Variants in DSTYK observed in about 807,000 individuals in gnomAD.
DSTYK encodes the protein RIP-homologous kinase.
A neutral mutation model predicts 98.7 loss-of-function variants in DSTYK; 34 were observed. The ratio of observed to expected loss-of-function variants is 0.34; its 90% confidence interval spans 0.26 to 0.46. The LOEUF (loss-of-function observed/expected upper bound fraction) is 0.46. DSTYK is among the 20% of genes least tolerant of loss of function. DSTYK has a pLI of 1.00. For synonymous variants in DSTYK, 462 were observed against 457.3 expected, an observed-to-expected ratio of 1.01 and a Z score of -0.13; for missense variants, 962 against 1,181.7, an observed-to-expected ratio of 0.81 and a Z score of 2.73.
chr1:205,168,506 C>T (rs1436079562), intron 3 of DSTYK, among the ~76,000 whole-genome samples: 1 of 152,148 alleles, frequency 6.6e-6, no homozygotes, highest in African/African-American at 2.4e-5. Flanking sequence ...GAAAGCCTCC[C>T]AAGGGATTAG....
chr1:205,154,416 C>G (rs553713023), intron 10 of DSTYK, among the ~76,000 whole-genome samples: 32 of 152,144 alleles, frequency 2.1e-4, no homozygotes, highest in Non-Finnish European at 3.4e-4. Context: ...TTTTTCCCCC[C>G]CTTTTGATCG....
Position 205,189,294 on chromosome 1 carries a change from G to A in DSTYK, c.266-1488C>T, listed in dbSNP as rs897308614. On this transcript the variant is annotated intron_variant, in intron 1 of 12. Transcript: ENST00000367162. ...AATCTGTGTTTGAGAAAAATAATCC[G>A]AAATTAGTTCACTGAAACTCTCAGC... is the stretch of plus-strand genomic sequence containing the variant. Among the ~76,000 whole-genome samples, 9 of 152,150 alleles carry A rather than the reference G, an allele frequency of 5.9e-5. No individual in the cohort carries two copies. In the East Asian group the frequency reaches 9.6e-4, roughly 16 times the overall value.
Position 205,163,709 on chromosome 1 carries a change from C to G in DSTYK, c.1557+14G>C. On this transcript the variant is annotated intron_variant, in intron 4 of 12. Coordinates refer to ENST00000367162, the MANE Select transcript of DSTYK (RefSeq NM_015375.3). Reference sequence around the variant, plus strand: ...ATCTATGACACGATGTCTTAAAAATCATTCTTTGTCTACCTGTTTGAGATA... The same window carrying G: ...ATCTATGACACGATGTCTTAAAAATGATTCTTTGTCTACCTGTTTGAGATA... The G allele has an allele frequency of 6.2e-7, 1 of 1,604,184 alleles. No homozygotes were observed. The highest frequency in any genetic ancestry group is 8.5e-7 in the Non-Finnish European group (1 of 1,172,848).
intron 2 of DSTYK, among the ~76,000 whole-genome samples, chr1:205,181,321 T>C (rs1023002169): frequency 2.6e-5 from 4 of 152,168 alleles, no homozygotes; most frequent in Non-Finnish European, 4.4e-5. Context: ...GACAATATGG[T>C]ATCTAACTAA....
intron 10 of DSTYK, among the ~76,000 whole-genome samples, chr1:205,156,035 G>T (rs544397695): frequency 3.3e-5 from 5 of 152,372 alleles, no homozygotes; most frequent in East Asian, 3.9e-4. Context: ...GTGGTGTTGG[G>T]CCTGCAGGTG....
intron 1 of DSTYK, among the ~76,000 whole-genome samples, chr1:205,207,755 C>CAAAAAAAAAAAAAAA (rs766036213): frequency 2.8e-4 from 15 of 52,728 alleles, no homozygotes; most frequent in African/African-American, 6.3e-4. Flanking sequence ...GACTCTGTCT[C>CAAAAAAAAAAAAAAA]AAAAAAAAAA....
intron 10 of DSTYK, among the ~76,000 whole-genome samples, chr1:205,153,370 A>G (rs985692650): frequency 6.6e-6 from 1 of 152,132 alleles, no homozygotes; most frequent in African/African-American, 2.4e-5. Context: ...CCTTCATCCT[A>G]CATCTCTGAT....
At chr1:205,162,851 C>T in intron 5 of DSTYK, 72 bp downstream of exon 5, 1 of 1,152,264 alleles carries the variant, frequency 8.7e-7, no homozygotes, top group Non-Finnish European at 1.3e-6. Context: ...TATCTGTTTC[C>T]TACTGGGGTC....
chr1:205,192,002 T>C (rs981407855), intron 1 of DSTYK, among the ~76,000 whole-genome samples: 3 of 151,242 alleles, frequency 2.0e-5, no homozygotes, highest in African/African-American at 7.2e-5. Flanking sequence ...AAGGCTTCTG[T>C]TGTTGTTGTT....
chr1:205,201,062 T>A, intron 1 of DSTYK, among the ~76,000 whole-genome samples: 1 of 152,044 alleles, frequency 6.6e-6, no homozygotes, highest in Non-Finnish European at 1.5e-5. Flanking sequence ...CGTGCCACCA[T>A]ACCCGGCTAG....
chr1:205,179,636 AAGAT>A (rs1239237494), intron 2 of DSTYK, among the ~76,000 whole-genome samples: 5 of 151,700 alleles, frequency 3.3e-5, no homozygotes, highest in South Asian at 2.1e-4. Context: ...AAAAAAAAAA[AAGAT>A]AGACTAGATG....
chr1:205,173,723 GT>G lies in DSTYK; in HGVS notation c.655-3892del, dbSNP rs1194952875. On this transcript the variant is annotated intron_variant, in intron 2 of 12. Coordinates refer to ENST00000367162, the MANE Select transcript of DSTYK (RefSeq NM_015375.3). ...GTCCATTTGTAAGACCAATACGGTT[GT>G]TTTTTTTTTTTTGAGATGAAGTCTC... Among the ~76,000 whole-genome samples, 379 of 144,124 alleles carry G rather than the reference GT, an allele frequency of 2.6e-3. 1 individual carries two copies. The highest frequency in any genetic ancestry group is 7.7e-3 in the African/African-American group (306 of 39,566). The allele number at this position is 144,124 out of a possible 152,430, so 94.6% of individuals were successfully genotyped here. A position where few individuals can be genotyped will look rare whatever the true frequency, so the allele number is the denominator to read the frequency against.
chr1:205,201,709 C>T (rs1009907719), intron 1 of DSTYK, among the ~76,000 whole-genome samples: 1 of 152,140 alleles, frequency 6.6e-6, no homozygotes, highest in African/African-American at 2.4e-5. Flanking sequence ...ATACTCTTTA[C>T]CCTTAGGGGT....
chr1:205,209,048 A>G (rs1327755892), intron 1 of DSTYK, among the ~76,000 whole-genome samples: 2 of 152,244 alleles, frequency 1.3e-5, no homozygotes, highest in Admixed American at 6.5e-5. Context: ...AGAGAGTTAA[A>G]TACGCAAAGA....
chr1:205,171,198 T>G (rs1324839865), intron 2 of DSTYK, among the ~76,000 whole-genome samples: 2 of 152,064 alleles, frequency 1.3e-5, no homozygotes, highest in African/African-American at 2.4e-5. Flanking sequence ...ACACCTGTAA[T>G]CCCAGCCCTT....
chr1:205,197,248 A>G (rs1332669850), intron 1 of DSTYK, among the ~76,000 whole-genome samples: 1 of 152,022 alleles, frequency 6.6e-6, no homozygotes, highest in Non-Finnish European at 1.5e-5. Flanking sequence ...GGCGAGCTGT[A>G]TGGTGATCAT....
chr1:205,211,163 C>T, intron 1 of DSTYK, 108 bp downstream of exon 1: 1 of 1,441,426 alleles, frequency 6.9e-7, no homozygotes, highest in Non-Finnish European at 9.1e-7. Context: ...CACGACTGCC[C>T]CTTTCCGCCT....
intron 1 of DSTYK, among the ~76,000 whole-genome samples, chr1:205,192,643 C>A (rs761377074): frequency 6.6e-6 from 1 of 152,114 alleles, no homozygotes; most frequent in Non-Finnish European, 1.5e-5. Context: ...AGGTGGATCA[C>A]CTGAGGTCAG....
At chr1:205,187,899 G>A (rs1368223860) in intron 1 of DSTYK, 93 bp from the exon 2 acceptor site, 1 of 1,275,488 alleles carries the variant, frequency 7.8e-7, no homozygotes, top group Non-Finnish European at 1.1e-6. Context: ...GAAATCCCAT[G>A]AGGAAGACAA....
Sources: allele counts gnomAD v4.1 joint callset (sites outside exome capture counted in the v4.1 genomes callset), GRCh38; gene constraint gnomAD v4.1.1; transcripts MANE v1.5; gene names NCBI Gene and HGNC (gene_info 2026-07-23, HGNC 2026-07-21).